The following PPEF2 variants were observed in gnomAD, a reference collection of about 807,000 sequenced individuals.
PPEF2 encodes protein phosphatase with EF-hand domain 2, also known as serine/threonine-protein phosphatase with EF-hands 2.
In PPEF2, 84 loss-of-function variants were observed where a neutral mutation model predicts 84.7. That is an observed-to-expected ratio of 0.99 (90% CI 0.83 to 1.19). The LOEUF is 1.19. PPEF2 is among the 50% of genes most tolerant of loss of function. PPEF2 has a pLI of 0.00. For synonymous variants in PPEF2, 346 were observed against 345.2 expected (o/e 1.00, Z -0.03); for missense variants, 924 against 937.5 (o/e 0.99, Z 0.19).
In PPEF2 at chr4:75,865,023, G is replaced by A. The variant is rs796973557; in HGVS notation, c.1921-496C>T. 8.5e-5 allele frequency among the ~76,000 whole-genome samples: 13 copies of A among 152,130 alleles called. 1 individual carries two copies. The highest frequency in any genetic ancestry group is 1.2e-4 in the Non-Finnish European group (8 of 67,998). ...CCAATCTCAGCTCACTGCAACCTCC[G>A]CCTCCCGGGTTCAAGCGATTCTCCT... On this transcript the variant is annotated intron_variant, in intron 15 of 16. Transcript: ENST00000286719.
intron 10 of PPEF2, 187 bp downstream of exon 10, chr4:75,882,739 T>A (rs769341025): frequency 1.8e-6 from 1 of 560,138 alleles, no homozygotes; most frequent in Non-Finnish European, 3.0e-6. Context: ...TCTCAAGCAA[T>A]CTTCCTGTCT....
At chr4:75,889,871 G>A in intron 5 of PPEF2, 86 bp downstream of exon 5, 1 of 1,448,516 alleles carries the variant, frequency 6.9e-7, no homozygotes. Context: ...CCCTAAATCT[G>A]GGGCCATTCT....
chr4:75,863,219 C>T (rs1038931221), intron 16 of PPEF2, among the ~76,000 whole-genome samples: 2 of 151,634 alleles, frequency 1.3e-5, no homozygotes, highest in Non-Finnish European at 2.9e-5. Flanking sequence ...AGGCCAGGTG[C>T]AGTGGTTCAC....
chr4:75,884,562 C>T (rs1724671468), intron 8 of PPEF2, 32 bp downstream of exon 8: 2 of 1,527,904 alleles, frequency 1.3e-6, no homozygotes, highest in Non-Finnish European at 1.8e-6. Context: ...AACAAACAAA[C>T]ATCAAATACT....
chr4:75,864,369 G>C, intron 16 of PPEF2, 71 bp downstream of exon 16: 1 of 1,159,052 alleles, frequency 8.6e-7, no homozygotes, highest in Non-Finnish European at 1.3e-6. Context: ...GATGAATCAG[G>C]AAGGAGATTA....
In PPEF2 at chr4:75,874,857, G is replaced by A. The variant is rs114259465; in HGVS notation, c.1320+1430C>T. Among the ~76,000 whole-genome samples the A allele has an allele frequency of 2.5e-3, 382 of 150,466 alleles. 2 individuals carry two copies. Among genetic ancestry groups the A allele is most frequent in the African/African-American group, 8.8e-3 (360 of 40,974 alleles). ...TACCCTCCATCCAATCAATCAGCAA[G>A]TTCTGCTAATTTTAGCTCTTAAATA... On this transcript the variant is annotated intron_variant, in intron 11 of 16. Transcript: ENST00000286719.
At position 75,864,479 on chromosome 4, in the gene PPEF2, G is replaced by A. The variant is rs1724080604; in HGVS notation, c.1969C>T (p.Leu657=). ...LETLYRNRSN[L]ETIFRIIDSD... ...TCTATGATCCTAAAAATGGTCTCTA[G>A]GTTGGATCGGTTTCGATACAATGTT... is the stretch of plus-strand genomic sequence containing the variant. Residue 657 remains leucine (L), a synonymous_variant, in exon 16 of 17, where the codon CTA becomes TTA. Transcript: ENST00000286719. 6.2e-7 allele frequency: 1 copy of A among 1,612,846 alleles called. No homozygotes were observed. Among genetic ancestry groups the A allele is most frequent in the Non-Finnish European group, 8.5e-7 (1 of 1,178,904 alleles).
Position 75,886,872 on chromosome 4 carries a change from A to G in PPEF2, c.559T>C (p.Leu187=), listed in dbSNP as rs61750812. ...CATACCTTATAAAATATAAAGATTA[A>G]GTCATCCAATTGGCCATGTAAGTCT... The part of the protein sequence containing the change: ...CGDLHGQLDD[L]IFIFYKNGLP... The change falls in exon 7 of 17, where the codon TTA becomes CTA. Residue 187 remains leucine, a synonymous_variant. Coordinates refer to ENST00000286719, the MANE Select transcript of PPEF2 (RefSeq NM_006239.3). 4.5e-3 allele frequency: 6,808 copies of G among 1,501,422 alleles called. 288 individuals carry two copies. The African/African-American group carries it at 0.086, about 19-fold the overall frequency. 93.0% of individuals were successfully genotyped at this position (1,501,422 alleles called of 1,614,324 possible). A position where few individuals can be genotyped will look rare whatever the true frequency, so the allele number is the denominator to read the frequency against.
rs1223461137 is a variant in PPEF2, at chr4:75,864,534, G to GA, written c.1921-8dup. 2 of 1,603,018 alleles carry GA rather than the reference G, an allele frequency of 1.2e-6. No individual in the cohort carries two copies. The highest frequency in any genetic ancestry group is 1.7e-6 in the Non-Finnish European group (2 of 1,170,334). ...GCAAACTTGATTGTATGTTCTGCAA[G>GA]AAAAAATTCATTTTCCTTCTTTGTC... On this transcript the variant is annotated splice_region_variant and splice_polypyrimidine_tract_variant and intron_variant, in intron 15 of 16. Transcript: ENST00000286719.
intron 15 of PPEF2, among the ~76,000 whole-genome samples, chr4:75,864,861 G>A (rs1338499785): frequency 1.3e-5 from 2 of 151,968 alleles, no homozygotes; most frequent in African/African-American, 4.8e-5. Context: ...GAGATATCTT[G>A]GGTATAGGAC....
intron 15 of PPEF2, among the ~76,000 whole-genome samples, 190 bp from the exon 16 acceptor site, chr4:75,864,717 G>A (rs1265232335): frequency 2.0e-5 from 3 of 152,032 alleles, no homozygotes; most frequent in Non-Finnish European, 4.4e-5. Flanking sequence ...CCTCACCCAT[G>A]ATGAAAATCT....
chr4:75,895,286 G>A (rs929099912), intron 2 of PPEF2, among the ~76,000 whole-genome samples: 22 of 151,860 alleles, frequency 1.4e-4, no homozygotes, highest in East Asian at 5.8e-4. Flanking sequence ...AAAATTAGCC[G>A]GGCATGGTGG....
chr4:75,872,137 A>G lies in PPEF2; in HGVS notation c.1537T>C (p.Tyr513His), dbSNP rs1394095122. 9 of 1,613,614 alleles carry G rather than the reference A, an allele frequency of 5.6e-6. No individual in the cohort carries two copies. The highest frequency in any genetic ancestry group is 7.6e-6 in the Non-Finnish European group (9 of 1,179,780). Residue 513 changes from tyrosine (Y) to histidine (H), a missense_variant, in exon 13 of 17, where the codon TAT (tyrosine) becomes CAT (histidine). Transcript: ENST00000286719. Reference sequence around the variant, plus strand: ...GCCCCTCTGTTGCTGCCAACTTCATAGTAGTTGGAGGCAGAAAAGATTGTT... The same window carrying G: ...GCCCCTCTGTTGCTGCCAACTTCATGGTAGTTGGAGGCAGAAAAGATTGTT... ...VLTIFSASNY[Y>H]EVGSNRGAYV... is the part of the protein sequence containing the mutation.
At position 75,890,083 on chromosome 4, in the gene PPEF2, G is replaced by A. The variant is rs750754890; in HGVS notation, c.291C>T (p.Ser97=). 34 of 1,613,960 alleles carry A rather than the reference G, an allele frequency of 2.1e-5. No individual in the cohort carries two copies. The highest frequency in any genetic ancestry group is 3.3e-5 in the Admixed American group (2 of 60,002). The part of the protein sequence containing the change: ...IFTEDRFAQD[S]EMKKCSDYES... ...CATAGTCACTGCATTTCTTCATCTC[G>A]GAGTCCTGGGCGAATCTGTCCTCAG... Residue 97 remains serine, a synonymous_variant, in exon 5 of 17, where the codon TCC becomes TCT. Transcript: ENST00000286719.
chr4:75,897,044 G>A (rs767039012), intron 1 of PPEF2, among the ~76,000 whole-genome samples: 5 of 152,126 alleles, frequency 3.3e-5, no homozygotes, highest in South Asian at 4.2e-4. Flanking sequence ...TAGTAGAGAC[G>A]GGGTTTCGCT....
chr4:75,884,864 T>C, intron 7 of PPEF2, 104 bp from the exon 8 acceptor site: 1 of 976,978 alleles, frequency 1.0e-6, no homozygotes, highest in Non-Finnish European at 1.5e-6. Flanking sequence ...CTAACACCAA[T>C]TCTGTGCTTT....
intron 2 of PPEF2, among the ~76,000 whole-genome samples, chr4:75,892,386 T>C (rs1034148584): frequency 6.6e-6 from 1 of 152,020 alleles, no homozygotes. Flanking sequence ...ATTGTGACAA[T>C]AGACTGGATG....
At chr4:75,884,826 C>A in intron 7 of PPEF2, 66 bp from the exon 8 acceptor site, 2 of 1,324,074 alleles carry the variant, frequency 1.5e-6, no homozygotes, top group South Asian at 2.9e-5. Flanking sequence ...AGGTTAAAAC[C>A]AATAGGCATT....
intron 11 of PPEF2, among the ~76,000 whole-genome samples, chr4:75,874,895 T>C (rs1489057246): frequency 2.7e-5 from 4 of 148,944 alleles, no homozygotes; most frequent in Admixed American, 6.6e-5. Context: ...TCTGAATTTC[T>C]TTCTTTCTTT....
Sources: gnomAD v4.1 joint callset for allele counts (sites outside exome capture counted in the v4.1 genomes callset) on GRCh38, gnomAD v4.1.1 for gene constraint, MANE v1.5 for transcripts, NCBI Gene and HGNC (gene_info 2026-07-23, HGNC 2026-07-21) for gene names.